CYYR1: variants seen among roughly 807,000 people sequenced by gnomAD.
The protein encoded by CYYR1 is cysteine and tyrosine rich 1, also known as cysteine and tyrosine-rich protein 1.
In CYYR1, 14 loss-of-function variants were observed where a neutral mutation model predicts 15.2. The observed-to-expected ratio is 0.92, with a 90% CI of 0.61 to 1.44. CYYR1 has a LOEUF of 1.44. Among genes scored for constraint, CYYR1 ranks in the 40% most tolerant of loss-of-function variants. CYYR1 has a pLI of 0.00. For missense variants in CYYR1, 228 were observed against 209.5 expected, an observed-to-expected ratio of 1.09 and a Z score of -0.54; for synonymous variants, 80 against 77.4, an observed-to-expected ratio of 1.03 and a Z score of -0.18.
chr21:26,495,552 CA>C (rs35630173), intron 2 of CYYR1, among the ~76,000 whole-genome samples: 39,663 of 152,004 alleles, frequency 0.26, 5,731 homozygotes, highest in Non-Finnish European at 0.33. Flanking sequence ...TCCAACTGCA[CA>C]AAGACCTGTT....
chr21:26,511,100 G>T (rs1352804620), intron 2 of CYYR1, among the ~76,000 whole-genome samples: 3 of 152,152 alleles, frequency 2.0e-5, no homozygotes, highest in Non-Finnish European at 4.4e-5. Context: ...TTTATTATCT[G>T]TGAGAAAGTT....
At chr21:26,563,523 G>A (rs767276922) in intron 2 of CYYR1, among the ~76,000 whole-genome samples, 1 of 152,254 alleles carries the variant, frequency 6.6e-6, no homozygotes, top group South Asian at 2.1e-4. Flanking sequence ...AGTGAGCTGA[G>A]ATTGTGCCAC....
chr21:26,538,964 T>C lies in CYYR1; in HGVS notation c.176+27302A>G, dbSNP rs1978359781. 2.0e-5 allele frequency among the ~76,000 whole-genome samples: 3 copies of C among 152,202 alleles called. No homozygotes were observed. The South Asian group carries it at 6.2e-4, about 31-fold the overall frequency. ...ACCTAATAAACTTTAGAGTTGTATCTAATAACTACTATAATTTTGAAACAA... is the reference window on the plus strand; with the variant it reads ...ACCTAATAAACTTTAGAGTTGTATCCAATAACTACTATAATTTTGAAACAA... On this transcript the variant is annotated intron_variant, in intron 2 of 3. Transcript: ENST00000652641.
chr21:26,562,799 AACACACACACACACAC>A (rs57351372), intron 2 of CYYR1, among the ~76,000 whole-genome samples: 1 of 132,492 alleles, frequency 7.5e-6, no homozygotes, highest in South Asian at 2.6e-4. Flanking sequence ...GACATACACA[AACACACACACACACAC>A]ACACACACAC....
chr21:26,515,045 G>A (rs1231212206), intron 2 of CYYR1, among the ~76,000 whole-genome samples: 1 of 152,194 alleles, frequency 6.6e-6, no homozygotes, highest in Non-Finnish European at 1.5e-5. Flanking sequence ...GTTTTCTCTT[G>A]TAAGTTAAAG....
chr21:26,548,050 T>C (rs1208789910), intron 2 of CYYR1, among the ~76,000 whole-genome samples: 4 of 152,144 alleles, frequency 2.6e-5, no homozygotes, highest in East Asian at 3.9e-4. Flanking sequence ...ATTTTATCAC[T>C]TATTTTTGGC....
At chr21:26,564,850 A>G in intron 2 of CYYR1, 2 of 1,185,688 alleles carry the variant, frequency 1.7e-6, no homozygotes, top group Non-Finnish European at 2.2e-6. Context: ...CAGTTTGAGA[A>G]AAAAAAAATT....
At chr21:26,542,179 G>A (rs1978593066) in intron 2 of CYYR1, among the ~76,000 whole-genome samples, 1 of 148,928 alleles carries the variant, frequency 6.7e-6, no homozygotes, top group South Asian at 2.2e-4. Flanking sequence ...ACTCCCTTAA[G>A]GGCTGGGAAG....
intron 2 of CYYR1, among the ~76,000 whole-genome samples, chr21:26,564,359 T>G (rs1231583151): frequency 6.6e-6 from 1 of 152,196 alleles, no homozygotes; most frequent in Non-Finnish European, 1.5e-5. Flanking sequence ...CTCAGAGGTT[T>G]CTATTTTGAA....
In CYYR1 at chr21:26,466,898, T is replaced by C. The variant is rs1286064278; in HGVS notation, c.*1603A>G. 6.6e-6 allele frequency: 1 copy of C among 152,160 alleles called. No homozygotes were observed. The highest frequency in any genetic ancestry group is 1.5e-5 in the Non-Finnish European group (1 of 68,014). The allele number at this position is 152,160 out of a possible 1,614,324, so 9.4% of individuals were successfully genotyped here. ...GATCAAGGAACTCATTCAAAACAAA[T>C]TCAGCCTTTGGACCTTACTGGCAGG... On this transcript the variant is annotated 3_prime_UTR_variant, in exon 4 of 4. Transcript: ENST00000652641.
intron 2 of CYYR1, among the ~76,000 whole-genome samples, chr21:26,522,492 C>T (rs2123566196): frequency 6.6e-6 from 1 of 152,310 alleles, no homozygotes; most frequent in African/African-American, 2.4e-5. Flanking sequence ...AGACAGTTTG[C>T]TTGCAAAATT....
intron 2 of CYYR1, among the ~76,000 whole-genome samples, chr21:26,488,848 C>T (rs985238798): frequency 1.3e-5 from 2 of 152,024 alleles, no homozygotes; most frequent in African/African-American, 4.8e-5. Context: ...TCCTTAATAA[C>T]AACATGGAGA....
intron 2 of CYYR1, among the ~76,000 whole-genome samples, chr21:26,535,859 G>C (rs1978296366): frequency 6.6e-6 from 1 of 152,160 alleles, no homozygotes; most frequent in Admixed American, 6.6e-5. Context: ...CAGTGAGTTT[G>C]TATGTTCCCT....
chr21:26,477,861 C>T, intron 3 of CYYR1: 1 of 1,235,652 alleles, frequency 8.1e-7, no homozygotes, highest in Non-Finnish European at 1.0e-6. Flanking sequence ...TATTTTTTTC[C>T]TTATATTCCA....
In CYYR1 at chr21:26,510,365, C is replaced by A. The variant is rs558350881; in HGVS notation, c.177-29936G>T. On this transcript the variant is annotated intron_variant, in intron 2 of 3. Coordinates refer to ENST00000652641, the MANE Select transcript of CYYR1 (RefSeq NM_001320768.2). ...ACCTGCTGGCTTAACAGCTGTGATA[C>A]CTAGCCAGTGAGGTAGGGAGCTGTT... is the stretch of plus-strand genomic sequence containing the variant. 6.6e-5 allele frequency among the ~76,000 whole-genome samples: 10 copies of A among 152,300 alleles called. No homozygotes were observed. In the East Asian group the frequency reaches 1.7e-3, roughly 26 times the overall value.
intron 2 of CYYR1, among the ~76,000 whole-genome samples, chr21:26,558,387 G>A (rs1979953569): frequency 6.6e-6 from 1 of 152,104 alleles, no homozygotes; most frequent in South Asian, 2.1e-4. Context: ...GTCTTGCTAT[G>A]TTGTCCAGGC....
intron 2 of CYYR1, among the ~76,000 whole-genome samples, chr21:26,554,603 G>A (rs1979635083): frequency 6.6e-6 from 1 of 152,092 alleles, no homozygotes; most frequent in Non-Finnish European, 1.5e-5. Context: ...GGCCGAGAGT[G>A]CTCTCCTGGG....
At chr21:26,490,986 A>G (rs1465127176) in intron 2 of CYYR1, among the ~76,000 whole-genome samples, 2 of 152,162 alleles carry the variant, frequency 1.3e-5, no homozygotes, top group African/African-American at 4.8e-5. Flanking sequence ...GACTGATCCA[A>G]CGGGGGAGTG....
In CYYR1 at chr21:26,573,174, G is replaced by T; in HGVS notation, c.-234C>A. 1 of 1,479,556 alleles carries T rather than the reference G, an allele frequency of 6.8e-7. No homozygotes were observed. The allele number at this position is 1,479,556 out of a possible 1,614,324, so 91.7% of individuals were successfully genotyped here. A position where few individuals can be genotyped will look rare whatever the true frequency, so the allele number is the denominator to read the frequency against. On this transcript the variant is annotated 5_prime_UTR_variant, in exon 1 of 4. Coordinates refer to ENST00000652641, the MANE Select transcript of CYYR1 (RefSeq NM_001320768.2). ...CGTGGCCCGAGACGGGCTGCGCTGG[G>T]GGCCCAGGTCTCTTTGTCTCGCCCC...
Sources: gnomAD v4.1 joint callset for allele counts (sites outside exome capture counted in the v4.1 genomes callset) on GRCh38, gnomAD v4.1.1 for gene constraint, MANE v1.5 for transcripts, NCBI Gene and HGNC (gene_info 2026-07-23, HGNC 2026-07-21) for gene names.